Variants in ABCA13 observed in about 807,000 individuals in gnomAD.
The protein encoded by ABCA13 is ATP binding cassette subfamily A member 13, also known as ATP-binding cassette sub-family A member 13.
ABCA13 carries 476 observed loss-of-function variants against 478.7 expected under a neutral mutation model. The ratio of observed to expected loss-of-function variants is 0.99; its 90% CI spans 0.92 to 1.07. ABCA13 has a LOEUF of 1.07. Among genes scored for constraint, ABCA13 ranks in the 50% least tolerant of loss-of-function variants. The pLI is 0.00. For synonymous variants in ABCA13, 2,252 were observed against 2,158.9 expected (o/e 1.04, Z -1.20); for missense variants, 6,060 against 5,910.6 (o/e 1.03, Z -0.83).
chr7:48,276,127 C>A lies in ABCA13; in HGVS notation c.6461C>A (p.Ser2154Ter). Residue 2154 changes from serine (S) to a stop codon, truncating the protein, a stop_gained, in exon 17 of 62, where the codon TCA becomes TAA. Coordinates refer to ENST00000435803, the MANE Select transcript of ABCA13 (RefSeq NM_152701.5). LOFTEE classifies it high-confidence loss of function. The stretch of plus-strand genomic sequence containing the variant: ...TTCATTCCTGTGACCAATGAGAGTT[C>A]AACTGAAGATATAGCTTTGTTAGCC... Reference protein sequence around the residue: ...TLFIPVTNESSTEDIALLAKA... With the variant: ...TLFIPVTNES The A allele has an allele frequency of 6.3e-7, 1 of 1,597,216 alleles. No individual in the cohort carries two copies. Among genetic ancestry groups the A allele is most frequent in the Non-Finnish European group, 8.5e-7 (1 of 1,171,000 alleles).
At chr7:48,263,815 A>G (rs995399133) in intron 15 of ABCA13, among the ~76,000 whole-genome samples, 3 of 151,900 alleles carry the variant, frequency 2.0e-5, no homozygotes, top group African/African-American at 7.2e-5. Flanking sequence ...GTAACATGAG[A>G]TATTTTCATA....
chr7:48,313,636 C>T (rs774686468), intron 25 of ABCA13, among the ~76,000 whole-genome samples: 2 of 152,312 alleles, frequency 1.3e-5, no homozygotes, highest in Non-Finnish European at 2.9e-5. Flanking sequence ...AGATCATTTA[C>T]TGCAAATGCA....
intron 1 of ABCA13, among the ~76,000 whole-genome samples, chr7:48,188,601 C>G (rs909969517): frequency 2.6e-5 from 4 of 151,806 alleles, no homozygotes; most frequent in African/African-American, 4.8e-5. Context: ...TTCTATTAGG[C>G]AAATACAAGT....
chr7:48,276,815 A>G (rs982452704), intron 17 of ABCA13, among the ~76,000 whole-genome samples: 3 of 152,220 alleles, frequency 2.0e-5, no homozygotes, highest in Non-Finnish European at 4.4e-5. Context: ...TTTTTAGATT[A>G]TGAAAACAAT....
At chr7:48,222,861 CT>C (rs1267615821) in intron 5 of ABCA13, among the ~76,000 whole-genome samples, 1 of 151,968 alleles carries the variant, frequency 6.6e-6, no homozygotes, top group Non-Finnish European at 1.5e-5. Context: ...TGGAGGATTT[CT>C]TTGGACATTG....
At chr7:48,584,278 A>G (rs528110281) in intron 56 of ABCA13, among the ~76,000 whole-genome samples, 2 of 152,288 alleles carry the variant, frequency 1.3e-5, no homozygotes, top group East Asian at 3.9e-4. Context: ...CAAAACAATC[A>G]TTATCACAAT....
intron 55 of ABCA13, among the ~76,000 whole-genome samples, chr7:48,577,971 G>T (rs1788351251): frequency 6.6e-6 from 1 of 152,088 alleles, no homozygotes; most frequent in South Asian, 2.1e-4. Context: ...AAAAGGAAAA[G>T]ATGGTTTGAT....
In ABCA13 at chr7:48,245,887, C is replaced by T; in HGVS notation, c.1516C>T (p.Pro506Ser). The T allele has an allele frequency of 6.2e-7, 1 of 1,613,212 alleles. No individual in the cohort carries two copies. Among genetic ancestry groups the T allele is most frequent in the East Asian group, 2.2e-5 (1 of 44,870 alleles). ...KQMLAKNAVC[P>S]NGRFSEKEVF... is the part of the protein sequence containing the mutation. ...GATGTTGGCGAAGAATGCTGTCTGC[C>T]CGAATGGTCGTTTCTCTGAGAAGGA... Residue 506 changes from proline (P) to serine (S), a missense_variant, in exon 13 of 62, where the codon CCG becomes TCG. Transcript: ENST00000435803.
At chr7:48,252,011 T>C (rs866785701) in intron 15 of ABCA13, among the ~76,000 whole-genome samples, 2 of 152,304 alleles carry the variant, frequency 1.3e-5, no homozygotes, top group Middle Eastern at 3.4e-3. Flanking sequence ...ATGGGTCTCT[T>C]TGGGTTTATG....
chr7:48,277,173 T>C (rs1193504474), intron 17 of ABCA13, among the ~76,000 whole-genome samples: 1 of 152,246 alleles, frequency 6.6e-6, no homozygotes, highest in Non-Finnish European at 1.5e-5. Context: ...TTACACAATT[T>C]TGGGGGCTGG....
intron 9 of ABCA13, among the ~76,000 whole-genome samples, chr7:48,240,312 A>G (rs747545107): frequency 6.6e-6 from 1 of 152,146 alleles, no homozygotes; most frequent in Non-Finnish European, 1.5e-5. Context: ...GGGTAACATA[A>G]CTCATGGTTA....
chr7:48,188,057 A>G (rs772331195), intron 1 of ABCA13, among the ~76,000 whole-genome samples: 6 of 151,926 alleles, frequency 3.9e-5, no homozygotes, highest in Non-Finnish European at 5.9e-5. Flanking sequence ...TTTCTCCTTC[A>G]ATATCTAGTG....
In ABCA13 at chr7:48,232,139, A is replaced by ATTTTTTTTTTTTTTTTTTTTT. The variant is rs71006559; in HGVS notation, c.764-1874_764-1854dup. Among the ~76,000 whole-genome samples the ATTTTTTTTTTTTTTTTTTTTT allele has an allele frequency of 1.7e-3, 87 of 51,298 alleles. 8 individuals carry two copies. Among genetic ancestry groups the ATTTTTTTTTTTTTTTTTTTTT allele is most frequent in the South Asian group, 4.0e-3 (5 of 1,244 alleles). The allele number at this position is 51,298 out of a possible 152,430, so 33.7% of individuals were successfully genotyped here. A position where few individuals can be genotyped will look rare whatever the true frequency, so the allele number is the denominator to read the frequency against. ...CTCAGCACAGTGAGACCCACATGGA[A>ATTTTTTTTTTTTTTTTTTTTT]TTTTTTTTTTTTTTTTTTTTTTTTT... On this transcript the variant is annotated intron_variant, in intron 7 of 61. Coordinates refer to ENST00000435803, the MANE Select transcript of ABCA13 (RefSeq NM_152701.5).
intron 55 of ABCA13, among the ~76,000 whole-genome samples, chr7:48,533,522 A>G (rs924098923): frequency 3.3e-5 from 5 of 152,052 alleles, no homozygotes; most frequent in East Asian, 1.9e-4. Flanking sequence ...GTTCTAGGGT[A>G]TAGTTTAAGT....
At chr7:48,319,096 G>A (rs1803020856) in intron 27 of ABCA13, among the ~76,000 whole-genome samples, 2 of 152,152 alleles carry the variant, frequency 1.3e-5, no homozygotes, top group Non-Finnish European at 2.9e-5. Flanking sequence ...ATTGGGCAAA[G>A]CACTTGGAAG....
At chr7:48,374,542 A>G in intron 34 of ABCA13, 126 bp downstream of exon 34, 2 of 879,466 alleles carry the variant, frequency 2.3e-6, no homozygotes. Flanking sequence ...TGAGGTTTGG[A>G]TATTTGCTTT....
chr7:48,537,414 C>T (rs1043818603), intron 55 of ABCA13, among the ~76,000 whole-genome samples: 2 of 152,090 alleles, frequency 1.3e-5, no homozygotes, highest in African/African-American at 4.8e-5. Context: ...AAGTAGCACT[C>T]GAACATGAAT....
In ABCA13 at chr7:48,438,844, T is replaced by C. The variant is rs527549974; in HGVS notation, c.12565+10973T>C. On this transcript the variant is annotated intron_variant, in intron 42 of 61. Coordinates refer to ENST00000435803, the MANE Select transcript of ABCA13 (RefSeq NM_152701.5). ...ACTTTGTTGCTAACAAATTCTGTTT[T>C]CCACATAACCACATAACTGCAGAAG... is the stretch of plus-strand genomic sequence containing the variant. Among the ~76,000 whole-genome samples, 23 of 151,366 alleles carry C rather than the reference T, an allele frequency of 1.5e-4. No individual in the cohort carries two copies. The South Asian group carries it at 3.8e-3, about 25-fold the overall frequency.
chr7:48,530,293 G>A (rs963293409), intron 55 of ABCA13, among the ~76,000 whole-genome samples: 10 of 151,358 alleles, frequency 6.6e-5, no homozygotes, highest in African/African-American at 2.4e-4. Context: ...GTGGCTGAGA[G>A]GTGTTTCATG....
Sources: gnomAD v4.1 joint callset for allele counts (sites outside exome capture counted in the v4.1 genomes callset) on GRCh38, gnomAD v4.1.1 for gene constraint, MANE v1.5 for transcripts, NCBI Gene and HGNC (gene_info 2026-07-23, HGNC 2026-07-21) for gene names.